Variants in NCOA2 observed in about 807,000 individuals in gnomAD.
NCOA2 encodes the protein nuclear receptor coactivator 2, also known as class E basic helix-loop-helix protein 75.
NCOA2 carries 21 observed loss-of-function variants against 145.1 expected under a neutral mutation model. The observed-to-expected ratio is 0.14, with a 90% CI of 0.10 to 0.21. The LOEUF (loss-of-function observed/expected upper bound fraction) is 0.21, where lower values mean the gene tolerates loss of function less well. NCOA2 is among the 10% of genes least tolerant of loss of function. The probability of loss-of-function intolerance (pLI) is 1.00; values close to 1 mark genes in which losing one functional copy is unlikely to be tolerated. For synonymous variants in NCOA2, 619 were observed against 637.5 expected (o/e 0.97, Z 0.44); for missense variants, 1,472 against 1,837.6 (o/e 0.80, Z 3.64).
the NCOA2 span, among the ~76,000 whole-genome samples, chr8:70,412,147 C>T: frequency 1.3e-5 from 2 of 152,168 alleles, no homozygotes; most frequent in South Asian, 2.1e-4. Flanking sequence ...ACAGCCCAGG[C>T]GTGGTGGCTA....
chr8:70,221,795 G>A (rs375155308), intron 2 of NCOA2, among the ~76,000 whole-genome samples: 1 of 152,142 alleles, frequency 6.6e-6, no homozygotes, highest in African/African-American at 2.4e-5. Context: ...TAAAACAGAA[G>A]TAGAACTATG....
At chr8:70,184,607 C>G (rs2133076465) in intron 4 of NCOA2, among the ~76,000 whole-genome samples, 1 of 152,216 alleles carries the variant, frequency 6.6e-6, no homozygotes, top group East Asian at 1.9e-4. Context: ...GAGAGGCTGC[C>G]AAGGTTCTTC....
At chr8:70,252,548 T>C (rs1823284884) in intron 2 of NCOA2, among the ~76,000 whole-genome samples, 1 of 152,210 alleles carries the variant, frequency 6.6e-6, no homozygotes, top group Admixed American at 6.5e-5. Context: ...CCAGATTTGC[T>C]CTTCTGACTC....
intron 1 of NCOA2, among the ~76,000 whole-genome samples, chr8:70,344,271 C>T (rs1160589101): frequency 6.6e-6 from 1 of 152,298 alleles, no homozygotes; most frequent in East Asian, 1.9e-4. Context: ...TTGAGAATGG[C>T]TGAAGACCAG....
chr8:70,123,642 A>G (rs148132042), intron 21 of NCOA2, among the ~76,000 whole-genome samples: 7 of 152,314 alleles, frequency 4.6e-5, no homozygotes, highest in Middle Eastern at 3.4e-3. Context: ...AATGTCAATG[A>G]TAAGAAAGTT....
At position 70,140,145 on chromosome 8, in the gene NCOA2, T is replaced by G. The variant is rs372263165; in HGVS notation, c.3028+1039A>C. On this transcript the variant is annotated intron_variant, in intron 14 of 22. Transcript: ENST00000452400. Reference sequence around the variant, plus strand: ...TAACATACAATTCACCTATTTAAAGTGTACAATGAGTTTTAGTATATTCAG... The same window carrying G: ...TAACATACAATTCACCTATTTAAAGGGTACAATGAGTTTTAGTATATTCAG... 6.6e-5 allele frequency among the ~76,000 whole-genome samples: 10 copies of G among 152,260 alleles called. No individual in the cohort carries two copies. In the East Asian group the frequency reaches 1.7e-3, roughly 26 times the overall value.
chr8:70,286,766 T>C (rs977427153), intron 2 of NCOA2, among the ~76,000 whole-genome samples: 1 of 152,132 alleles, frequency 6.6e-6, no homozygotes, highest in Non-Finnish European at 1.5e-5. Context: ...ACCCTGTGTA[T>C]TGATTGTAAA....
At chr8:70,178,740 T>C (rs1215005538) in intron 4 of NCOA2, among the ~76,000 whole-genome samples, 1 of 152,206 alleles carries the variant, frequency 6.6e-6, no homozygotes, top group Non-Finnish European at 1.5e-5. Flanking sequence ...CTGAAAGTAT[T>C]TCACATTTGT....
chr8:70,351,742 C>T (rs947225920), intron 1 of NCOA2, among the ~76,000 whole-genome samples: 4 of 150,212 alleles, frequency 2.7e-5, no homozygotes, highest in Non-Finnish European at 4.4e-5. Context: ...CACACCACCA[C>T]CCCGGCTAAT....
chr8:70,423,466 C>T, the NCOA2 span, among the ~76,000 whole-genome samples: 2 of 152,086 alleles, frequency 1.3e-5, no homozygotes, highest in Admixed American at 6.6e-5. Flanking sequence ...TGAGCCACCG[C>T]GCCTGGGCTT....
At chr8:70,381,302 G>A (rs952697707) in intron 1 of NCOA2, among the ~76,000 whole-genome samples, 6 of 152,046 alleles carry the variant, frequency 3.9e-5, no homozygotes, top group Admixed American at 2.0e-4. Context: ...GAAAAACAGC[G>A]TAATAACAAC....
intron 1 of NCOA2, among the ~76,000 whole-genome samples, chr8:70,372,411 C>T (rs780193798): frequency 9.2e-5 from 14 of 152,170 alleles, no homozygotes; most frequent in Non-Finnish European, 1.9e-4. Flanking sequence ...GCAAACTGAG[C>T]ACGCATAGCC....
At chr8:70,372,992 C>T (rs987516690) in intron 1 of NCOA2, among the ~76,000 whole-genome samples, 5 of 152,162 alleles carry the variant, frequency 3.3e-5, no homozygotes, top group African/African-American at 1.2e-4. Context: ...GAATAATACA[C>T]TGTATTCAAC....
At chr8:70,143,437 A>T (rs1387471081) in intron 13 of NCOA2, among the ~76,000 whole-genome samples, 1 of 152,072 alleles carries the variant, frequency 6.6e-6, no homozygotes, top group Non-Finnish European at 1.5e-5. Flanking sequence ...TTTTTCTCTT[A>T]TAGAACTTTA....
chr8:70,247,238 A>G (rs563759953), intron 2 of NCOA2, among the ~76,000 whole-genome samples: 1 of 152,324 alleles, frequency 6.6e-6, no homozygotes, highest in South Asian at 2.1e-4. Flanking sequence ...AAGTTTCCAT[A>G]AAGACCTGAG....
intron 4 of NCOA2, among the ~76,000 whole-genome samples, chr8:70,198,973 C>T (rs561616445): frequency 2.0e-5 from 3 of 152,056 alleles, no homozygotes; most frequent in African/African-American, 7.2e-5. Flanking sequence ...AGGGACTCAC[C>T]GAGTATCTGT....
At chr8:70,189,437 C>A (rs58943443) in intron 4 of NCOA2, among the ~76,000 whole-genome samples, 7,997 of 152,246 alleles carry the variant, frequency 0.053, 697 homozygotes, top group African/African-American at 0.18. Context: ...GCCAGAAATT[C>A]CATTTTTCAT....
At chr8:70,185,929 C>T (rs1713452529) in intron 4 of NCOA2, among the ~76,000 whole-genome samples, 2 of 152,076 alleles carry the variant, frequency 1.3e-5, no homozygotes, top group Non-Finnish European at 2.9e-5. Flanking sequence ...TTTGTTGTGT[C>T]ATTAGTCCTT....
At chr8:70,167,294 A>G (rs1813723304) in intron 6 of NCOA2, among the ~76,000 whole-genome samples, 2 of 152,182 alleles carry the variant, frequency 1.3e-5, no homozygotes, top group Admixed American at 1.3e-4. Flanking sequence ...ACAGACTCTC[A>G]CTAACCAGCT....
Sources: gnomAD v4.1 joint callset for allele counts (sites outside exome capture counted in the v4.1 genomes callset) on GRCh38, gnomAD v4.1.1 for gene constraint, MANE v1.5 for transcripts, NCBI Gene and HGNC (gene_info 2026-07-23, HGNC 2026-07-21) for gene names.